The following PCNX3 variants were observed in gnomAD, a reference collection of about 807,000 sequenced individuals.
PCNX3 encodes the protein pecanex 3, also known as pecanex-like protein 3.
A neutral mutation model predicts 207.2 loss-of-function variants in PCNX3; 58 were observed. The ratio of observed to expected loss-of-function variants is 0.28; its 90% CI spans 0.23 to 0.35. The LOEUF (loss-of-function observed/expected upper bound fraction) is 0.35, where lower values mean the gene tolerates loss of function less well. PCNX3 is among the 10% of genes least tolerant of loss of function. PCNX3 has a pLI of 1.00. For missense variants in PCNX3, 2,410 were observed against 2,774.4 expected (o/e 0.87, Z 2.95); for synonymous variants, 1,337 against 1,183.5 (o/e 1.13, Z -2.66).
chr11:65,623,447 AG>A, intron 11 of PCNX3, 43 bp from the exon 12 acceptor site: 1 of 1,538,688 alleles, frequency 6.5e-7, no homozygotes, highest in Non-Finnish European at 8.8e-7. Context: ...CCCCACTGGA[AG>A]GTGAGGCAAG....
At position 65,626,646 on chromosome 11, in the gene PCNX3, C is replaced by T. The variant is rs964878932; in HGVS notation, c.3380-258C>T. ...CCAGCCTGCTGTACGTAGGTGTTTG[C>T]GATTTCATCATTGGCCTTGTTTTAA... On this transcript the variant is annotated intron_variant, in intron 20 of 34. Transcript: ENST00000355703. 8 of 540,790 alleles carry T rather than the reference C, an allele frequency of 1.5e-5. No homozygotes were observed. In the East Asian group the frequency reaches 1.7e-4, roughly 11 times the overall value. The allele number at this position is 540,790 out of a possible 1,614,324, so 33.5% of individuals were successfully genotyped here. A position where few individuals can be genotyped will look rare whatever the true frequency, so the allele number is the denominator to read the frequency against.
chr11:65,629,283 A>G, intron 24 of PCNX3, 74 bp from the exon 25 acceptor site: 1 of 1,462,746 alleles, frequency 6.8e-7, no homozygotes, highest in Non-Finnish European at 9.4e-7. Context: ...CTTGTGGCAC[A>G]GGGAGAGCAT....
Position 65,629,432 on chromosome 11 carries a change from C to T in PCNX3, c.4000+17C>T, listed in dbSNP as rs758696815. The T allele has an allele frequency of 1.9e-6, 3 of 1,611,800 alleles. No individual in the cohort carries two copies. The African/African-American group carries it at 4.0e-5, about 22-fold the overall frequency. On this transcript the variant is annotated intron_variant, in intron 25 of 34. Transcript: ENST00000355703. The stretch of plus-strand genomic sequence containing the variant: ...GGAACCCTGGTGTGTACCCAGCCAT[C>T]CAAGGGGCTTTAGGGCAGGGCCTCC...
rs1855278461 is a variant in PCNX3, at chr11:65,624,528, C to T, written c.2774C>T (p.Thr925Ile). 1 of 1,609,630 alleles carries T rather than the reference C, an allele frequency of 6.2e-7. No homozygotes were observed. Among genetic ancestry groups the T allele is most frequent in the Non-Finnish European group, 8.5e-7 (1 of 1,177,984 alleles). ...CTGGGCCTCCTGCCCCAGGTCAACACCTGCCTCATGTACCTGCTGGAGCAA... is the reference window on the plus strand; with the variant it reads ...CTGGGCCTCCTGCCCCAGGTCAACATCTGCCTCATGTACCTGCTGGAGCAA... ...FLLGLLPQVNTCLMYLLEQID... is the reference protein window; with the variant it reads ...FLLGLLPQVNICLMYLLEQID... The change falls in exon 15 of 35, where the codon ACC becomes ATC. Residue 925 changes from threonine (T) to isoleucine (I), a missense_variant. Physicochemically the swap from Thr to Ile is moderately conservative, Grantham distance 89. This residue lies in a region of PCNX3 where 18 missense variants were observed against 46.2 expected (regional missense o/e 0.39). Coordinates refer to ENST00000355703, the MANE Select transcript of PCNX3 (RefSeq NM_032223.4).
chr11:65,632,912 T>G (rs543297107), intron 27 of PCNX3, among the ~76,000 whole-genome samples: 13 of 151,498 alleles, frequency 8.6e-5, no homozygotes, highest in Non-Finnish European at 1.6e-4. Flanking sequence ...GCCTGGCTAA[T>G]TTTTGTATTT....
At position 65,617,782 on chromosome 11, in the gene PCNX3, C is replaced by G. The variant is rs184126931; in HGVS notation, c.577+76C>G. On this transcript the variant is annotated intron_variant, in intron 5 of 34. Transcript: ENST00000355703. ...TTGTTGAATCCCCTCAACTTTGGCT[C>G]CATCCTGGGTCTCCTCTGTATTCCT... 1.6e-4 allele frequency: 238 copies of G among 1,515,160 alleles called. 1 individual carries two copies. In the Middle Eastern group the frequency reaches 2.7e-3, roughly 17 times the overall value. 93.9% of individuals were successfully genotyped at this position (1,515,160 alleles called of 1,614,324 possible).
At chr11:65,623,905 C>T (rs1163163806) in intron 12 of PCNX3, 24 bp from the exon 13 acceptor site, 3 of 1,612,490 alleles carry the variant, frequency 1.9e-6, no homozygotes, top group Middle Eastern at 1.6e-4. Context: ...GCTCTAGTTG[C>T]CAACGTAGCC....
At chr11:65,636,134 CGT>C (rs1565174233) in intron 32 of PCNX3, 38 bp from the exon 33 acceptor site, 2 of 1,574,922 alleles carry the variant, frequency 1.3e-6, no homozygotes, top group Admixed American at 1.8e-5. Flanking sequence ...TGGCCTCAGC[CGT>C]GTCCCTCCTG....
intron 6 of PCNX3, 21 bp downstream of exon 6, chr11:65,619,088 CAG>C: frequency 6.4e-7 from 1 of 1,561,070 alleles, no homozygotes; most frequent in Non-Finnish European, 8.7e-7. Flanking sequence ...GCTCTAGAGG[CAG>C]GGGCTGGGGG....
chr11:65,624,396 A>G (rs1200950439), intron 14 of PCNX3, 30 bp downstream of exon 14: 1 of 1,551,740 alleles, frequency 6.4e-7, no homozygotes, highest in East Asian at 2.4e-5. Flanking sequence ...GAGGTGGCCC[A>G]GGAGAGTGAG....
chr11:65,621,305 CTG>C (rs1349201634), intron 10 of PCNX3, among the ~76,000 whole-genome samples: 11 of 151,896 alleles, frequency 7.2e-5, no homozygotes, highest in Middle Eastern at 6.3e-3. Context: ...CCTGTGATGA[CTG>C]TGCTGCCCTG....
chr11:65,619,603 GCCACAATGCA>G lies in PCNX3; in HGVS notation c.1773_1782del (p.His592AlafsTer33). On this transcript the variant is annotated frameshift_variant, in exon 7 of 35. Coordinates refer to ENST00000355703, the MANE Select transcript of PCNX3 (RefSeq NM_032223.4). LOFTEE classifies it high-confidence loss of function. ...AGGCGGACCCAGGCCATTCGGAGAC[GCCACAATGCA>G]GGCAGCAACCCCACCCCTCCAGCCT... is the stretch of plus-strand genomic sequence containing the variant. 1 of 1,606,568 alleles carries G rather than the reference GCCACAATGCA, an allele frequency of 6.2e-7. No homozygotes were observed. Among genetic ancestry groups the G allele is most frequent in the Admixed American group, 1.7e-5 (1 of 59,734 alleles).
At position 65,620,365 on chromosome 11, in the gene PCNX3, C is replaced by T. The variant is rs774390876; in HGVS notation, c.2035C>T (p.Leu679=). The change falls in exon 9 of 35, where the codon CTG becomes TTG. Residue 679 remains leucine, a synonymous_variant. Transcript: ENST00000355703. The part of the protein sequence containing the change: ...SGVRRSYTFG[L]AGGGYENPVG... ...TGTGCGGCGTTCCTACACCTTTGGCCTGGCTGGAGGCGGCTACGAGAACCC... is the reference window on the plus strand; with the variant it reads ...TGTGCGGCGTTCCTACACCTTTGGCTTGGCTGGAGGCGGCTACGAGAACCC... 10 of 1,613,470 alleles carry T rather than the reference C, an allele frequency of 6.2e-6. No individual in the cohort carries two copies. The East Asian group carries it at 1.3e-4, about 22-fold the overall frequency.
At chr11:65,619,274 C>A in intron 6 of PCNX3, 1 of 358,912 alleles carries the variant, frequency 2.8e-6, no homozygotes, top group Non-Finnish European at 3.9e-6. Context: ...CCTTGATTAG[C>A]ACCTGAGTCT....
At position 65,637,127 on chromosome 11, in the gene PCNX3, G is replaced by A. The variant is rs1590912898; in HGVS notation, c.*149G>A. On this transcript the variant is annotated 3_prime_UTR_variant, in exon 35 of 35. Transcript: ENST00000355703. ...CTTGGCCAGAGTACCAAAACTGAGTGACCCAGACCTCTGACCTTGACCCCT... is the reference window on the plus strand; with the variant it reads ...CTTGGCCAGAGTACCAAAACTGAGTAACCCAGACCTCTGACCTTGACCCCT... 1 of 835,578 alleles carries A rather than the reference G, an allele frequency of 1.2e-6. No homozygotes were observed. The highest frequency in any genetic ancestry group is 1.8e-6 in the Non-Finnish European group (1 of 542,080). The allele number at this position is 835,578 out of a possible 1,614,324, so 51.8% of individuals were successfully genotyped here. A position where few individuals can be genotyped will look rare whatever the true frequency, so the allele number is the denominator to read the frequency against.
At chr11:65,628,775 G>GGGGGGGGGGGGGGGGGGGGGC in intron 23 of PCNX3, 44 bp from the exon 24 acceptor site, 6 of 1,500,458 alleles carry the variant, frequency 4.0e-6, no homozygotes, top group South Asian at 1.1e-5. Context: ...GTGGTGGGGG[G>GGGGGGGGGGGGGGGGGGGGGC]CTGGGAGGTC....
In PCNX3 at chr11:65,636,995, T is replaced by C; in HGVS notation, c.*17T>C. The C allele has an allele frequency of 6.4e-7, 1 of 1,559,106 alleles. No homozygotes were observed. The highest frequency in any genetic ancestry group is 8.7e-7 in the Non-Finnish European group (1 of 1,155,474). On this transcript the variant is annotated 3_prime_UTR_variant, in exon 35 of 35. Transcript: ENST00000355703. Reference sequence around the variant, plus strand: ...CAGTACTGAGCTACCTGGCGCCCACTGGACCACCTCCTAGGATTCAGTAAC... The same window carrying C: ...CAGTACTGAGCTACCTGGCGCCCACCGGACCACCTCCTAGGATTCAGTAAC...
At chr11:65,632,583 A>G (rs1855659591) in intron 27 of PCNX3, among the ~76,000 whole-genome samples, 2 of 126,370 alleles carry the variant, frequency 1.6e-5, no homozygotes, top group Admixed American at 9.4e-5. Context: ...GCTCGCAGTG[A>G]GCGCTCACAG....
chr11:65,623,697 C>G, intron 12 of PCNX3, 53 bp downstream of exon 12: 2 of 1,592,840 alleles, frequency 1.3e-6, no homozygotes, highest in Non-Finnish European at 8.6e-7. Flanking sequence ...CCCAAGATTG[C>G]CCTTCCCACA....
Sources: allele counts gnomAD v4.1 joint callset (sites outside exome capture counted in the v4.1 genomes callset), GRCh38; gene constraint gnomAD v4.1.1; regional missense constraint gnomAD v4.1.1; transcripts MANE v1.5; gene names NCBI Gene and HGNC (gene_info 2026-07-23, HGNC 2026-07-21).